The following MTA3 variants were observed in gnomAD, a reference collection of about 807,000 sequenced individuals.
MTA3 encodes the protein metastasis-associated protein MTA3.
MTA3 carries 34 observed loss-of-function variants against 83.5 expected under a neutral mutation model. The observed-to-expected ratio is 0.41, with a 90% CI of 0.31 to 0.54. The LOEUF (loss-of-function observed/expected upper bound fraction) is 0.54. Ranked by LOEUF, MTA3 falls within the 20% of genes least tolerant of loss-of-function variation. MTA3 has a pLI of 0.33. For synonymous variants in MTA3, 303 were observed against 252.7 expected (o/e 1.20, Z -1.89); for missense variants, 761 against 726.4 (o/e 1.05, Z -0.55).
intron 14 of MTA3, 112 bp from the exon 15 acceptor site, chr2:42,718,876 C>G: frequency 1.4e-6 from 1 of 711,506 alleles, no homozygotes; most frequent in Non-Finnish European, 2.3e-6. Context: ...ATGCGGGAAT[C>G]TGGTGGCTAT....
At chr2:42,522,806 C>CTT (rs1173170546) in intron 2 of MTA3, among the ~76,000 whole-genome samples, 1 of 116,164 alleles carries the variant, frequency 8.6e-6, no homozygotes, top group African/African-American at 3.2e-5. Context: ...AACATGTGGT[C>CTT]TTTTTTTTTT....
At chr2:42,495,791 T>A (rs1674102474) in intron 2 of MTA3, among the ~76,000 whole-genome samples, 2 of 152,142 alleles carry the variant, frequency 1.3e-5, no homozygotes, top group South Asian at 4.1e-4. Flanking sequence ...GCACTTTGGG[T>A]CATTCTAAGG....
chr2:42,691,161 G>A (rs1300482445), intron 9 of MTA3, among the ~76,000 whole-genome samples: 1 of 152,036 alleles, frequency 6.6e-6, no homozygotes, highest in African/African-American at 2.4e-5. Flanking sequence ...ACAGGCGCAT[G>A]CCACCAGCCC....
chr2:42,500,754 C>T (rs911830779), intron 2 of MTA3, among the ~76,000 whole-genome samples: 1 of 150,170 alleles, frequency 6.7e-6, no homozygotes, highest in Non-Finnish European at 1.5e-5. Context: ...CAGCATAGTA[C>T]ATTACACCGA....
intron 16 of MTA3, among the ~76,000 whole-genome samples, chr2:42,738,860 G>A (rs989946703): frequency 6.6e-6 from 1 of 152,188 alleles, no homozygotes; most frequent in Admixed American, 6.5e-5. Context: ...GTCTCCCATA[G>A]CGCTCCAAGG....
At position 42,546,811 on chromosome 2, in the gene MTA3, T is replaced by C. The variant is rs149630486; in HGVS notation, c.-140-23626T>C. 6.7e-3 allele frequency among the ~76,000 whole-genome samples: 1,017 copies of C among 152,314 alleles called. 3 individuals are homozygous for C. Among genetic ancestry groups the C allele is most frequent in the Middle Eastern group, 0.017 (5 of 294 alleles). ...TAACAGAAGGGGTCTCTATTCTCAA[T>C]GTCTCACATTTTGGTAGGAAATAGG... On this transcript the variant is annotated intron_variant, in intron 2 of 17. Transcript: ENST00000405592.
intron 2 of MTA3, among the ~76,000 whole-genome samples, chr2:42,503,623 T>C (rs1056006269): frequency 1.3e-5 from 2 of 152,220 alleles, no homozygotes; most frequent in Admixed American, 6.5e-5. Context: ...GTGCCTGGAA[T>C]TTACCTTGAA....
At chr2:42,588,404 G>C (rs978319084) in intron 3 of MTA3, among the ~76,000 whole-genome samples, 5 of 152,172 alleles carry the variant, frequency 3.3e-5, no homozygotes, top group African/African-American at 1.2e-4. Flanking sequence ...TGCCCTTAGA[G>C]CTTATAAAGG....
At chr2:42,742,142 CTTTTT>C (rs779331968) in intron 16 of MTA3, among the ~76,000 whole-genome samples, 1 of 141,170 alleles carries the variant, frequency 7.1e-6, no homozygotes, top group Non-Finnish European at 1.5e-5. Flanking sequence ...TTCTTTCTTT[CTTTTT>C]TTTTTTTTTG....
At chr2:42,514,436 C>CA (rs1675042121) in intron 2 of MTA3, among the ~76,000 whole-genome samples, 2 of 152,082 alleles carry the variant, frequency 1.3e-5, no homozygotes, top group Admixed American at 6.6e-5. Context: ...GGCTGGAGTG[C>CA]AGGGGCACTG....
chr2:42,515,866 T>G, intron 2 of MTA3, among the ~76,000 whole-genome samples: 1 of 144,340 alleles, frequency 6.9e-6, no homozygotes. Context: ...GAGACAAGAG[T>G]CTCGCTCTGT....
intron 16 of MTA3, among the ~76,000 whole-genome samples, chr2:42,737,766 G>A (rs1368047254): frequency 1.3e-5 from 2 of 152,194 alleles, no homozygotes; most frequent in Non-Finnish European, 2.9e-5. Flanking sequence ...AAGTCGCATT[G>A]CTAGAAAGTA....
intron 15 of MTA3, 37 bp from the exon 16 acceptor site, chr2:42,722,852 C>G: frequency 1.9e-6 from 3 of 1,547,920 alleles, no homozygotes; most frequent in Non-Finnish European, 2.6e-6. Flanking sequence ...TTTTTAATAT[C>G]ATGTTCTGAA....
chr2:42,741,979 C>T (rs1669071020), intron 16 of MTA3, among the ~76,000 whole-genome samples: 1 of 152,132 alleles, frequency 6.6e-6, no homozygotes, highest in Admixed American at 6.5e-5. Context: ...ATCTGTAAAG[C>T]TCAACAGAGC....
intron 2 of MTA3, among the ~76,000 whole-genome samples, chr2:42,542,359 A>T (rs1207882227): frequency 1.3e-5 from 2 of 152,154 alleles, no homozygotes; most frequent in Non-Finnish European, 2.9e-5. Context: ...CTTGTTATAG[A>T]TACCCATATG....
At chr2:42,616,145 C>T (rs1184718095) in intron 4 of MTA3, among the ~76,000 whole-genome samples, 2 of 151,858 alleles carry the variant, frequency 1.3e-5, no homozygotes, top group South Asian at 2.1e-4. Context: ...ACTGCAACTC[C>T]GCCTCCCGGT....
rs1188358263 is a variant in MTA3, at chr2:42,700,437, G to C, written c.1025+2603G>C. 2.6e-5 allele frequency among the ~76,000 whole-genome samples: 4 copies of C among 152,098 alleles called. No individual in the cohort carries two copies. The South Asian group carries it at 8.3e-4, about 32-fold the overall frequency. On this transcript the variant is annotated intron_variant, in intron 11 of 16. Coordinates refer to ENST00000405094, the MANE Select transcript of MTA3 (RefSeq NM_001330442.2). ...GTCTATATGCAGTCTTGGCACACTT[G>C]TTTTCCTTTTGTGATTATTATCATT...
intron 1 of MTA3, among the ~76,000 whole-genome samples, chr2:42,570,061 C>T (rs1480738203): frequency 6.6e-6 from 1 of 151,886 alleles, no homozygotes; most frequent in Non-Finnish European, 1.5e-5. Flanking sequence ...GAGAAGCAGC[C>T]TGCAGGGCAA....
intron 8 of MTA3, among the ~76,000 whole-genome samples, chr2:42,674,755 T>C (rs10176528): frequency 0.64 from 96,748 of 151,012 alleles, 30,988 homozygotes; most frequent in South Asian, 0.73. Flanking sequence ...CGTGCCACCA[T>C]GCCCGGCTAA....
Sources: allele counts gnomAD v4.1 joint callset (sites outside exome capture counted in the v4.1 genomes callset), GRCh38; gene constraint gnomAD v4.1.1; transcripts MANE v1.5; gene names NCBI Gene and HGNC (gene_info 2026-07-23, HGNC 2026-07-21).